The following PRKCE variants were observed in gnomAD, a reference collection of about 807,000 sequenced individuals.
PRKCE encodes protein kinase C epsilon.
A neutral mutation model predicts 85.4 loss-of-function variants in PRKCE; 16 were observed. The ratio of observed to expected loss-of-function variants is 0.19; its 90% CI spans 0.13 to 0.28. PRKCE has a LOEUF of 0.28. Among genes scored for constraint, PRKCE ranks in the 10% least tolerant of loss-of-function variants. The pLI, the probability that PRKCE is intolerant of heterozygous loss-of-function variation, is 1.00. For missense variants in PRKCE, 573 were observed against 975.2 expected (o/e 0.59, Z 5.49); for synonymous variants, 388 against 371.5 (o/e 1.04, Z -0.51).
chr2:46,157,110 C>T (rs1338282031), intron 13 of PRKCE, among the ~76,000 whole-genome samples: 1 of 152,222 alleles, frequency 6.6e-6, no homozygotes, highest in Non-Finnish European at 1.5e-5. Context: ...GGAGCTGCAA[C>T]TCTGAATCAC....
At chr2:45,744,491 CT>C (rs1558623891) in intron 1 of PRKCE, among the ~76,000 whole-genome samples, 5 of 47,658 alleles carry the variant, frequency 1.0e-4, no homozygotes, top group African/African-American at 3.9e-4. Flanking sequence ...CTTTCTTTTT[CT>C]TTCTTTCTTT....
intron 1 of PRKCE, among the ~76,000 whole-genome samples, chr2:45,821,649 G>C (rs1558712251): frequency 6.6e-6 from 1 of 152,078 alleles, no homozygotes; most frequent in Non-Finnish European, 1.5e-5. Flanking sequence ...GACTTGGGCA[G>C]GATGGTGGCC....
At chr2:45,735,660 G>A (rs966909299) in intron 1 of PRKCE, among the ~76,000 whole-genome samples, 3 of 152,212 alleles carry the variant, frequency 2.0e-5, no homozygotes, top group Non-Finnish European at 4.4e-5. Context: ...GGAAGTGGCA[G>A]GAAAGCAAAG....
At chr2:45,659,788 A>G (rs1675550170) in intron 1 of PRKCE, among the ~76,000 whole-genome samples, 1 of 149,944 alleles carries the variant, frequency 6.7e-6, no homozygotes, top group South Asian at 2.1e-4. Flanking sequence ...TGGCAATCCT[A>G]TCTAAAAGTT....
chr2:46,174,581 G>A (rs1027986510), intron 14 of PRKCE, among the ~76,000 whole-genome samples: 3 of 152,102 alleles, frequency 2.0e-5, no homozygotes, highest in Non-Finnish European at 4.4e-5. Flanking sequence ...CAGCTTGCTG[G>A]GCTCCTCAGT....
At chr2:45,892,357 C>T (rs552406811) in intron 2 of PRKCE, among the ~76,000 whole-genome samples, 1 of 72,264 alleles carries the variant, frequency 1.4e-5, no homozygotes, top group Non-Finnish European at 2.6e-5. Context: ...TTGCTTAACA[C>T]AGTGCTGGAT....
At chr2:46,091,048 CAGAT>C (rs1316821185) in intron 11 of PRKCE, among the ~76,000 whole-genome samples, 1 of 152,078 alleles carries the variant, frequency 6.6e-6, no homozygotes, top group Non-Finnish European at 1.5e-5. Flanking sequence ...AGAGCCCAAA[CAGAT>C]AGACACAATC....
At chr2:45,914,185 G>T (rs139552542) in intron 2 of PRKCE, among the ~76,000 whole-genome samples, 55 of 152,296 alleles carry the variant, frequency 3.6e-4, no homozygotes, top group Non-Finnish European at 7.3e-4. Flanking sequence ...AAGGCATTAA[G>T]GAGTTTATAA....
chr2:45,739,801 T>G (rs567725397), intron 1 of PRKCE, among the ~76,000 whole-genome samples: 3 of 151,880 alleles, frequency 2.0e-5, no homozygotes, highest in Non-Finnish European at 4.4e-5. Context: ...TTTGTCAAAA[T>G]CCACAGAACT....
At chr2:46,132,624 C>G (rs1674573798) in intron 11 of PRKCE, among the ~76,000 whole-genome samples, 1 of 152,204 alleles carries the variant, frequency 6.6e-6, no homozygotes, top group Non-Finnish European at 1.5e-5. Context: ...CGTTGTCCAT[C>G]AAACCACAGG....
intron 2 of PRKCE, among the ~76,000 whole-genome samples, chr2:45,964,475 C>T (rs994117776): frequency 5.3e-5 from 8 of 152,234 alleles, no homozygotes; most frequent in African/African-American, 1.4e-4. Flanking sequence ...TGGGAGCACT[C>T]TTTGAGCTTT....
chr2:46,064,280 C>CAAA (rs58347072), intron 10 of PRKCE, among the ~76,000 whole-genome samples: 5 of 90,812 alleles, frequency 5.5e-5, no homozygotes, highest in African/African-American at 1.1e-4. Context: ...GACTCTGTCT[C>CAAA]AAAAAAAAAA....
chr2:45,717,147 C>G (rs1441638760), intron 1 of PRKCE, among the ~76,000 whole-genome samples: 2 of 152,148 alleles, frequency 1.3e-5, no homozygotes, highest in African/African-American at 4.8e-5. Flanking sequence ...ATGAGGATCC[C>G]ATTGTTTGCC....
At chr2:45,981,189 G>A (rs1185977220) in intron 5 of PRKCE, among the ~76,000 whole-genome samples, 1 of 152,194 alleles carries the variant, frequency 6.6e-6, no homozygotes, top group Non-Finnish European at 1.5e-5. Context: ...CCCACTGATA[G>A]ATTAAAAAAC....
At chr2:46,083,812 T>C (rs1430415077) in intron 10 of PRKCE, among the ~76,000 whole-genome samples, 1 of 152,212 alleles carries the variant, frequency 6.6e-6, no homozygotes, top group Non-Finnish European at 1.5e-5. Context: ...TAAGAGTCTT[T>C]GTTCTTGGAA....
Position 45,774,300 on chromosome 2 carries a change from C to T in PRKCE, c.349-68700C>T, listed in dbSNP as rs1279219805. 6.6e-6 allele frequency among the ~76,000 whole-genome samples: 1 copy of T among 152,172 alleles called. No individual in the cohort carries two copies. The highest frequency in any genetic ancestry group is 1.5e-5 in the Non-Finnish European group (1 of 68,026). ...GGGAGGTGATCGGACACCAGCCTGG[C>T]AGGGCAGCCTCATCTCATCTTCTGT... On this transcript the variant is annotated intron_variant, in intron 1 of 14. Coordinates refer to ENST00000306156, the MANE Select transcript of PRKCE (RefSeq NM_005400.3). The surrounding 1 kb of genome is among the most constrained non-coding windows in gnomAD (Gnocchi z 4.3).
chr2:45,692,359 G>T (rs1380532366), intron 1 of PRKCE, among the ~76,000 whole-genome samples: 1 of 152,014 alleles, frequency 6.6e-6, no homozygotes, highest in Non-Finnish European at 1.5e-5. Context: ...GGTAGCCCCA[G>T]GTACTCCTGG....
chr2:45,902,401 G>A (rs1696647041), intron 2 of PRKCE, among the ~76,000 whole-genome samples: 1 of 152,240 alleles, frequency 6.6e-6, no homozygotes, highest in Non-Finnish European at 1.5e-5. Context: ...CTAAGGGGCT[G>A]TGATCCAACA....
intron 6 of PRKCE, among the ~76,000 whole-genome samples, chr2:45,999,864 C>G (rs1030366358): frequency 1.3e-5 from 2 of 152,040 alleles, no homozygotes; most frequent in Admixed American, 6.5e-5. Flanking sequence ...GAGATTGTTT[C>G]TTCAGCCATG....
Sources: gnomAD v4.1 joint callset for allele counts (sites outside exome capture counted in the v4.1 genomes callset) on GRCh38, gnomAD v4.1.1 for gene constraint, Gnocchi (gnomAD v3.1) non-coding constraint, MANE v1.5 for transcripts, NCBI Gene and HGNC (gene_info 2026-07-23, HGNC 2026-07-21) for gene names.